Variants in GRIA4 observed in about 807,000 individuals in gnomAD.
GRIA4 encodes glutamate receptor 4.
A neutral mutation model predicts 104.0 loss-of-function variants in GRIA4; 34 were observed. The observed-to-expected ratio is 0.33, with a 90% CI of 0.25 to 0.44. The LOEUF (loss-of-function observed/expected upper bound fraction) is 0.44, where lower values mean the gene tolerates loss of function less well. GRIA4 is among the 20% of genes least tolerant of loss of function. The pLI is 1.00. For missense variants in GRIA4, 750 were observed against 1,096.5 expected, an observed-to-expected ratio of 0.68 and a Z score of 4.46; for synonymous variants, 386 against 381.9, an observed-to-expected ratio of 1.01 and a Z score of -0.13.
intron 3 of GRIA4, among the ~76,000 whole-genome samples, chr11:105,713,187 A>C (rs1003423675): frequency 1.3e-5 from 2 of 152,106 alleles, no homozygotes; most frequent in African/African-American, 4.8e-5. Context: ...GATCAAGACC[A>C]GCCTAGCCAA....
At chr11:105,759,384 G>A (rs372100145) in intron 4 of GRIA4, among the ~76,000 whole-genome samples, 6 of 151,936 alleles carry the variant, frequency 3.9e-5, no homozygotes, top group South Asian at 4.2e-4. Context: ...TTTTTCCTTC[G>A]CAGGCATCCC....
chr11:105,654,498 T>C (rs144371574), intron 3 of GRIA4, among the ~76,000 whole-genome samples: 1 of 152,282 alleles, frequency 6.6e-6, no homozygotes, highest in African/African-American at 2.4e-5. Context: ...TATATTAATA[T>C]ACTGTTAACA....
At chr11:105,622,287 A>T (rs1180258428) in intron 3 of GRIA4, among the ~76,000 whole-genome samples, 1 of 151,712 alleles carries the variant, frequency 6.6e-6, no homozygotes, top group Non-Finnish European at 1.5e-5. Context: ...ATAATTTTTA[A>T]TTTTATATTT....
At chr11:105,952,327 T>C (rs1285767464) in intron 14 of GRIA4, among the ~76,000 whole-genome samples, 2 of 152,158 alleles carry the variant, frequency 1.3e-5, no homozygotes, top group Non-Finnish European at 2.9e-5. Context: ...TTTCATTGAA[T>C]TCTAAAAGAG....
intron 2 of GRIA4, among the ~76,000 whole-genome samples, chr11:105,612,023 A>G (rs1376476235): frequency 6.6e-6 from 1 of 152,146 alleles, no homozygotes; most frequent in East Asian, 1.9e-4. Flanking sequence ...CAAGGGAGAG[A>G]AAGGAACATT....
At chr11:105,867,821 G>C (rs781342427) in intron 5 of GRIA4, among the ~76,000 whole-genome samples, 2 of 152,202 alleles carry the variant, frequency 1.3e-5, no homozygotes, top group Non-Finnish European at 2.9e-5. Context: ...GGAGATAACA[G>C]CTTTGATTAT....
intron 4 of GRIA4, among the ~76,000 whole-genome samples, chr11:105,804,838 A>T (rs1335497134): frequency 6.6e-6 from 1 of 151,968 alleles, no homozygotes; most frequent in Non-Finnish European, 1.5e-5. Context: ...AGATGTAAAG[A>T]TCATTGCAGT....
intron 3 of GRIA4, among the ~76,000 whole-genome samples, chr11:105,677,668 A>T (rs1952581234): frequency 6.6e-6 from 1 of 151,942 alleles, no homozygotes; most frequent in African/African-American, 2.4e-5. Context: ...CATACCTAGA[A>T]TTTCCTTTGA....
At chr11:105,750,889 C>G (rs528003992) in intron 3 of GRIA4, among the ~76,000 whole-genome samples, 2 of 152,162 alleles carry the variant, frequency 1.3e-5, no homozygotes, top group East Asian at 3.9e-4. Context: ...CAGCAAAAGT[C>G]TTCATAAAAA....
At chr11:105,757,363 A>G (rs1940375745) in intron 4 of GRIA4, among the ~76,000 whole-genome samples, 3 of 152,138 alleles carry the variant, frequency 2.0e-5, no homozygotes. Flanking sequence ...AGTCATCCTG[A>G]AGGAGTGATG....
At chr11:105,620,714 C>T (rs532693650) in intron 3 of GRIA4, among the ~76,000 whole-genome samples, 1 of 151,844 alleles carries the variant, frequency 6.6e-6, no homozygotes, top group South Asian at 2.1e-4. Flanking sequence ...ATAAACACAA[C>T]CAAGTGTAAA....
chr11:105,720,431 G>A (rs1937712612), intron 3 of GRIA4, among the ~76,000 whole-genome samples: 2 of 152,020 alleles, frequency 1.3e-5, no homozygotes, highest in African/African-American at 4.8e-5. Context: ...TATCCAAACC[G>A]AGAAAAGAAA....
At chr11:105,892,533 A>T (rs573404736) in intron 6 of GRIA4, among the ~76,000 whole-genome samples, 83 of 152,294 alleles carry the variant, frequency 5.4e-4, no homozygotes, top group African/African-American at 2.0e-3. Flanking sequence ...ATTAGGATAC[A>T]GAGAGCAAAG....
At chr11:105,837,077 GCA>G (rs1185291612) in intron 4 of GRIA4, among the ~76,000 whole-genome samples, 1 of 134,058 alleles carries the variant, frequency 7.5e-6, no homozygotes, top group Non-Finnish European at 1.7e-5. Flanking sequence ...ATAATGGCGG[GCA>G]AGAGAGAGGA....
intron 7 of GRIA4, among the ~76,000 whole-genome samples, chr11:105,900,152 G>A (rs775223981): frequency 2.0e-5 from 3 of 152,100 alleles, no homozygotes; most frequent in Non-Finnish European, 4.4e-5. Context: ...CCACAAAAGT[G>A]CCACAAGTAT....
At chr11:105,863,034 G>T (rs1945283383) in intron 5 of GRIA4, among the ~76,000 whole-genome samples, 1 of 151,960 alleles carries the variant, frequency 6.6e-6, no homozygotes, top group South Asian at 2.1e-4. Context: ...GCCAGACATG[G>T]GTAATATAAT....
intron 3 of GRIA4, among the ~76,000 whole-genome samples, chr11:105,636,735 GT>G: frequency 6.6e-6 from 1 of 152,184 alleles, no homozygotes; most frequent in East Asian, 1.9e-4. Context: ...TCCATGAGCT[GT>G]TTGTAAAGGG....
chr11:105,873,703 C>T (rs1234530745), intron 5 of GRIA4, among the ~76,000 whole-genome samples: 1 of 152,014 alleles, frequency 6.6e-6, no homozygotes, highest in African/African-American at 2.4e-5. Context: ...TGTTTCTTGG[C>T]CACAAAAATG....
chr11:105,776,071 A>G lies in GRIA4; in HGVS notation c.487+22851A>G, dbSNP rs1395391901. Among the ~76,000 whole-genome samples the G allele has an allele frequency of 3.3e-5, 5 of 152,224 alleles. No individual in the cohort carries two copies. In the East Asian group the frequency reaches 9.6e-4, roughly 29 times the overall value. On this transcript the variant is annotated intron_variant, in intron 4 of 16. Coordinates refer to ENST00000282499, the MANE Select transcript of GRIA4 (RefSeq NM_000829.4). ...CATATGCCAGCTTAGTATTTTGGAAATAGTACCTAACAATTTTATTATAAA... is the reference window on the plus strand; with the variant it reads ...CATATGCCAGCTTAGTATTTTGGAAGTAGTACCTAACAATTTTATTATAAA...
Sources: allele counts gnomAD v4.1 joint callset (sites outside exome capture counted in the v4.1 genomes callset), GRCh38; gene constraint gnomAD v4.1.1; transcripts MANE v1.5; gene names NCBI Gene and HGNC (gene_info 2026-07-23, HGNC 2026-07-21).